The following INSL6 variants were observed in gnomAD, a reference collection of about 807,000 sequenced individuals.
INSL6 encodes insulin like 6, also known as insulin-like peptide INSL6.
In INSL6, 16 loss-of-function variants were observed where a neutral mutation model predicts 9.4. That is an observed-to-expected ratio of 1.70 (90% CI 1.15 to 2.59). The LOEUF (loss-of-function observed/expected upper bound fraction) is 2.59, where lower values mean the gene tolerates loss of function less well. Ranked by LOEUF, INSL6 falls within the 30% of genes most tolerant of loss-of-function variation. The probability of loss-of-function intolerance (pLI) is 0.00; values close to 1 mark genes in which losing one functional copy is unlikely to be tolerated. For synonymous variants in INSL6, 154 were observed against 96.9 expected (o/e 1.59, Z -3.46); for missense variants, 391 against 257.3 (o/e 1.52, Z -3.56).
chr9:5,118,117 C>G, the INSL6 span, among the ~76,000 whole-genome samples: 8 of 152,256 alleles, frequency 5.3e-5, no homozygotes, highest in South Asian at 1.7e-3. Flanking sequence ...GCGGAGACCT[C>G]GCCACTGCAC....
At chr9:5,000,980 T>A in the INSL6 span, among the ~76,000 whole-genome samples, 1 of 152,162 alleles carries the variant, frequency 6.6e-6, no homozygotes, top group Non-Finnish European at 1.5e-5. Flanking sequence ...TAGCAAAGCA[T>A]CAAAAATACA....
chr9:5,123,872 T>C (rs1225719628), downstream of INSL6, among the ~76,000 whole-genome samples: 12 of 151,568 alleles, frequency 7.9e-5, 1 homozygote, highest in South Asian at 2.3e-3. Context: ...CATATCTCAC[T>C]GGGGTAATTT....
At chr9:5,125,606 A>G (rs1385979070) in intron 3 of INSL6, among the ~76,000 whole-genome samples, 3 of 151,588 alleles carry the variant, frequency 2.0e-5, no homozygotes, top group Admixed American at 6.6e-5. Flanking sequence ...GTGCCAAATT[A>G]TATCTCAACA....
At chr9:5,094,028 G>A in the INSL6 span, 13 of 152,300 alleles carry the variant, frequency 8.5e-5, no homozygotes, top group African/African-American at 3.1e-4. Context: ...GGTTTCTTAA[G>A]ATGGCGGAGC....
chr9:5,057,580 CTTTTTTTTTTT>C, the INSL6 span, among the ~76,000 whole-genome samples: 1 of 116,800 alleles, frequency 8.6e-6, no homozygotes, highest in East Asian at 2.3e-4. Context: ...ATTCTACTTT[CTTTTTTTTTTT>C]TTTTTTTTTT....
chr9:4,994,084 G>GA, the INSL6 span, among the ~76,000 whole-genome samples: 1 of 152,068 alleles, frequency 6.6e-6, no homozygotes, highest in Non-Finnish European at 1.5e-5. Flanking sequence ...TATCCTACTT[G>GA]TTTTTATTAG....
chr9:5,054,494 T>A, the INSL6 span: 1 of 1,349,696 alleles, frequency 7.4e-7, no homozygotes, highest in South Asian at 1.4e-5. The surrounding 1 kb of genome is among the most constrained non-coding windows in gnomAD (Gnocchi z 4.9). Context: ...AACTTCTTTT[T>A]CAATTTTTAG....
intron 2 of INSL6, among the ~76,000 whole-genome samples, chr9:5,137,194 A>G (rs2060306968): frequency 6.6e-6 from 1 of 152,216 alleles, no homozygotes; most frequent in African/African-American, 2.4e-5. Context: ...CATACTGCCC[A>G]AAGTAATTTA....
At chr9:5,153,625 A>G (rs1261160878) in intron 2 of INSL6, among the ~76,000 whole-genome samples, 1 of 152,228 alleles carries the variant, frequency 6.6e-6, no homozygotes, top group Non-Finnish European at 1.5e-5. Flanking sequence ...AACTTCAGCA[A>G]AGTCTCAGGA....
the INSL6 span, chr9:5,085,254 G>A: frequency 1.5e-6 from 1 of 679,274 alleles, no homozygotes; most frequent in Non-Finnish European, 2.8e-6. Flanking sequence ...TGGCTAACCT[G>A]AGATTCACAT....
At chr9:5,014,943 G>T in the INSL6 span, among the ~76,000 whole-genome samples, 429 of 151,480 alleles carry the variant, frequency 2.8e-3, no homozygotes, top group African/African-American at 9.9e-3. Context: ...TTGCGGGGGC[G>T]GGGGGAGATT....
chr9:5,007,537 A>C, the INSL6 span, among the ~76,000 whole-genome samples: 2 of 152,066 alleles, frequency 1.3e-5, no homozygotes, highest in Non-Finnish European at 2.9e-5. Flanking sequence ...TGAGGTATTA[A>C]GAATAGCATA....
chr9:5,001,261 T>G, the INSL6 span, among the ~76,000 whole-genome samples: 1 of 152,206 alleles, frequency 6.6e-6, no homozygotes, highest in African/African-American at 2.4e-5. Flanking sequence ...GAGCATCCTT[T>G]CCTTGTTCCT....
chr9:5,148,090 C>T (rs1208822728), intron 2 of INSL6, among the ~76,000 whole-genome samples: 6 of 152,180 alleles, frequency 3.9e-5, no homozygotes, highest in Non-Finnish European at 7.3e-5. Context: ...TAACAGGCTC[C>T]TTTGGAGGTT....
At chr9:5,019,962 G>C in the INSL6 span, among the ~76,000 whole-genome samples, 1 of 152,164 alleles carries the variant, frequency 6.6e-6, no homozygotes, top group Non-Finnish European at 1.5e-5. Flanking sequence ...TAGCCCCAGG[G>C]TGGCTTACAT....
chr9:5,178,002 A>G (rs137877400), intron 1 of INSL6, among the ~76,000 whole-genome samples: 113 of 152,168 alleles, frequency 7.4e-4, no homozygotes, highest in African/African-American at 2.6e-3. Flanking sequence ...CAGCCTCCCA[A>G]GTAGCTGGGA....
the INSL6 span, chr9:5,073,796 C>A: frequency 4.5e-6 from 7 of 1,546,140 alleles, no homozygotes; most frequent in South Asian, 8.0e-5. Flanking sequence ...GTAAGTAAAA[C>A]TACAGGCTTT....
the INSL6 span, chr9:5,029,760 T>G: frequency 6.3e-7 from 1 of 1,593,944 alleles, no homozygotes; most frequent in South Asian, 1.1e-5. Context: ...CTTTAATAAT[T>G]CCTTTCTCTG....
the INSL6 span, among the ~76,000 whole-genome samples, chr9:5,018,836 C>A: frequency 6.6e-6 from 1 of 151,768 alleles, no homozygotes; most frequent in East Asian, 1.9e-4. Flanking sequence ...TATATCGTTC[C>A]ATTCTCTTCC....
Sources: gnomAD v4.1 joint callset for allele counts (sites outside exome capture counted in the v4.1 genomes callset) on GRCh38, gnomAD v4.1.1 for gene constraint, Gnocchi (gnomAD v3.1) non-coding constraint, MANE v1.5 for transcripts, NCBI Gene and HGNC (gene_info 2026-07-23, HGNC 2026-07-21) for gene names.